The following PTPRD variants were observed in gnomAD, a reference collection of about 807,000 sequenced individuals.
The protein encoded by PTPRD is protein tyrosine phosphatase receptor type D, also known as receptor-type tyrosine-protein phosphatase delta.
Under a neutral mutation model 214.5 loss-of-function variants are expected in PTPRD, and 34 were observed. That is an observed-to-expected ratio of 0.16 (90% CI 0.12 to 0.21). The LOEUF (loss-of-function observed/expected upper bound fraction) is 0.21, where lower values mean the gene tolerates loss of function less well. Among genes scored for constraint, PTPRD ranks in the 10% least tolerant of loss-of-function variants. PTPRD has a pLI of 1.00. For synonymous variants in PTPRD, 1,128 were observed against 845.7 expected (o/e 1.33, Z -5.79); for missense variants, 2,545 against 2,398.7 (o/e 1.06, Z -1.27).
chr9:10,214,987 A>G (rs560782960), intron 3 of PTPRD, among the ~76,000 whole-genome samples: 31 of 152,140 alleles, frequency 2.0e-4, no homozygotes, highest in Non-Finnish European at 4.0e-4. Context: ...GCTGAATGAG[A>G]TATTTCGGAC....
chr9:9,557,999 G>A (rs937951113), intron 8 of PTPRD, among the ~76,000 whole-genome samples: 2 of 152,198 alleles, frequency 1.3e-5, no homozygotes, highest in African/African-American at 4.8e-5. Context: ...TGCATGCACA[G>A]CACACAGCCA....
At chr9:10,052,505 A>G (rs923245773) in intron 3 of PTPRD, among the ~76,000 whole-genome samples, 1 of 152,144 alleles carries the variant, frequency 6.6e-6, no homozygotes, top group Non-Finnish European at 1.5e-5. Flanking sequence ...AAAAAGGAGA[A>G]ACTGACATTT....
intron 10 of PTPRD, among the ~76,000 whole-genome samples, chr9:9,142,493 T>A (rs62529502): frequency 0.062 from 9,460 of 152,342 alleles, 415 homozygotes; most frequent in Admixed American, 0.11. Context: ...CCTTTGGCGA[T>A]GAAATCAATT....
intron 3 of PTPRD, among the ~76,000 whole-genome samples, chr9:10,333,581 A>G (rs1042784416): frequency 3.3e-5 from 5 of 151,862 alleles, no homozygotes; most frequent in Admixed American, 6.6e-5. Context: ...TGGAAAGGCT[A>G]GAAGAAAGAC....
intron 7 of PTPRD, among the ~76,000 whole-genome samples, chr9:9,590,945 A>T (rs574852613): frequency 6.6e-6 from 1 of 152,170 alleles, no homozygotes; most frequent in African/African-American, 2.4e-5. Context: ...TTATGTAATG[A>T]AACACAAAAT....
In PTPRD at chr9:8,401,447, T is replaced by C. The variant is rs374798339; in HGVS notation, c.4210+3090A>G. 3.9e-5 allele frequency among the ~76,000 whole-genome samples: 6 copies of C among 152,222 alleles called. 1 individual carries two copies. In the South Asian group the frequency reaches 6.2e-4, roughly 16 times the overall value. ...AACATAGAGGGGATGCCAATGGTAA[T>C]TGGATTTGTCAAAAATTCAATTCTG... On this transcript the variant is annotated intron_variant, in intron 36 of 45. Transcript: ENST00000381196.
chr9:8,978,378 C>G (rs546672728), intron 11 of PTPRD, among the ~76,000 whole-genome samples: 1 of 152,090 alleles, frequency 6.6e-6, no homozygotes, highest in Non-Finnish European at 1.5e-5. Flanking sequence ...CACCGTTGTA[C>G]TTTGTAAAGC....
At chr9:10,155,761 T>C (rs1335280691) in intron 3 of PTPRD, among the ~76,000 whole-genome samples, 2 of 152,184 alleles carry the variant, frequency 1.3e-5, no homozygotes, top group Non-Finnish European at 2.9e-5. Context: ...GATTTGCCTA[T>C]ATTGAACCAA....
intron 3 of PTPRD, among the ~76,000 whole-genome samples, chr9:10,115,224 GA>G (rs2098721099): frequency 6.6e-6 from 1 of 151,922 alleles, no homozygotes; most frequent in African/African-American, 2.4e-5. Context: ...GTGCAAATAT[GA>G]AAATTACAAT....
chr9:9,493,729 A>G (rs571529564), intron 8 of PTPRD, among the ~76,000 whole-genome samples: 48 of 143,742 alleles, frequency 3.3e-4, no homozygotes, highest in African/African-American at 1.2e-3. Flanking sequence ...CAGAGCTTGC[A>G]GTGAGCCGAG....
intron 11 of PTPRD, among the ~76,000 whole-genome samples, chr9:9,018,444 A>G (rs565677772): frequency 3.3e-5 from 5 of 152,234 alleles, no homozygotes; most frequent in Non-Finnish European, 5.9e-5. Context: ...AGGACTTGAA[A>G]TTTCACTCCA....
intron 4 of PTPRD, among the ~76,000 whole-genome samples, chr9:9,987,485 T>C (rs980949123): frequency 3.9e-5 from 6 of 152,058 alleles, no homozygotes; most frequent in African/African-American, 1.4e-4. Context: ...GCAGAGAAAC[T>C]CCTGTTTCTA....
At chr9:8,645,054 G>T (rs369846994) in intron 12 of PTPRD, among the ~76,000 whole-genome samples, 45 of 152,314 alleles carry the variant, frequency 3.0e-4, no homozygotes, top group East Asian at 2.1e-3. Flanking sequence ...AGATTGCACA[G>T]ATAATATATC....
At chr9:10,523,622 T>TATATATATATATATATATATATAG (rs554367559) in intron 2 of PTPRD, among the ~76,000 whole-genome samples, 3 of 131,384 alleles carry the variant, frequency 2.3e-5, no homozygotes, top group Non-Finnish European at 1.6e-5. Flanking sequence ...TATATATATA[T>TATATATATATATATATATATATAG]AGACAGAAAG....
intron 8 of PTPRD, among the ~76,000 whole-genome samples, chr9:9,538,359 C>G (rs1344684053): frequency 1.3e-5 from 2 of 151,892 alleles, no homozygotes; most frequent in Non-Finnish European, 2.9e-5. Flanking sequence ...CAATTTGTCT[C>G]CGAGACAACC....
At chr9:8,667,225 G>T (rs549959825) in intron 12 of PTPRD, among the ~76,000 whole-genome samples, 73 of 152,206 alleles carry the variant, frequency 4.8e-4, no homozygotes, top group African/African-American at 1.7e-3. Flanking sequence ...TGTAATCCCA[G>T]CTACTTGGGA....
chr9:8,703,503 T>G (rs1197551986), intron 12 of PTPRD, among the ~76,000 whole-genome samples: 1 of 152,170 alleles, frequency 6.6e-6, no homozygotes, highest in Non-Finnish European at 1.5e-5. Flanking sequence ...TCAACAGCAT[T>G]TGAGAGCAGC....
intron 39 of PTPRD, among the ~76,000 whole-genome samples, chr9:8,359,023 G>A (rs1389564137): frequency 7.0e-6 from 1 of 141,966 alleles, no homozygotes. Context: ...CAGGAGAATG[G>A]CGTGAACCTG....
At chr9:9,241,781 G>A (rs1569565453) in intron 9 of PTPRD, among the ~76,000 whole-genome samples, 1 of 151,386 alleles carries the variant, frequency 6.6e-6, no homozygotes, top group Non-Finnish European at 1.5e-5. Flanking sequence ...ACACTGATGG[G>A]TCTTGACTCT....
Sources: allele counts gnomAD v4.1 joint callset (sites outside exome capture counted in the v4.1 genomes callset), GRCh38; gene constraint gnomAD v4.1.1; transcripts MANE v1.5; gene names NCBI Gene and HGNC (gene_info 2026-07-23, HGNC 2026-07-21).